The following COL20A1 variants were observed in gnomAD, a reference collection of about 807,000 sequenced individuals.
COL20A1 encodes collagen alpha-1(XX) chain.
A neutral mutation model predicts 152.9 loss-of-function variants in COL20A1; 164 were observed. The observed-to-expected ratio is 1.07, with a 90% confidence interval of 0.94 to 1.22. The LOEUF (loss-of-function observed/expected upper bound fraction) is 1.22, where lower values mean the gene tolerates loss of function less well. Among genes scored for constraint, COL20A1 ranks in the 50% most tolerant of loss-of-function variants. COL20A1 has a pLI of 0.00. For synonymous variants in COL20A1, 864 were observed against 756.0 expected, an observed-to-expected ratio of 1.14 and a Z score of -2.34; for missense variants, 1,873 against 1,744.8, an observed-to-expected ratio of 1.07 and a Z score of -1.31.
At chr20:63,300,231 G>A (rs1427846975) in intron 3 of COL20A1, among the ~76,000 whole-genome samples, 1 of 152,172 alleles carries the variant, frequency 6.6e-6, no homozygotes, top group African/African-American at 2.4e-5. Flanking sequence ...ATAAGATGAG[G>A]TGGGGAAGGA....
Position 63,333,598 on chromosome 20 carries a change from T to G in COL20A1, c.*2882T>G, listed in dbSNP as rs1168061452. ...GAGAGCCACCTGCAAGGTGGGGAGC[T>G]GGGAAGAACGGCTCAGTGATGAGCT... On this transcript the variant is annotated 3_prime_UTR_variant, in exon 36 of 36. Transcript: ENST00000358894. 1.3e-5 allele frequency: 2 copies of G among 151,938 alleles called. No individual in the cohort carries two copies. The highest frequency in any genetic ancestry group is 2.9e-5 in the Non-Finnish European group (2 of 67,946). 9.4% of individuals were successfully genotyped at this position (151,938 alleles called of 1,614,324 possible). A position where few individuals can be genotyped will look rare whatever the true frequency, so the allele number is the denominator to read the frequency against.
intron 16 of COL20A1, 66 bp downstream of exon 16, chr20:63,313,000 C>A: frequency 6.5e-7 from 1 of 1,532,262 alleles, no homozygotes; most frequent in Non-Finnish European, 8.8e-7. Context: ...AAGCCAAAGT[C>A]TAGGGCTCAG....
rs757697987 is a variant in COL20A1, at chr20:63,311,962, C to G, written c.1710C>G (p.His570Gln). 8 of 1,593,788 alleles carry G rather than the reference C, an allele frequency of 5.0e-6. No individual in the cohort carries two copies. The highest frequency in any genetic ancestry group is 1.3e-5 in the African/African-American group (1 of 74,432). The change falls in exon 14 of 36, where the codon CAC becomes CAG. Residue 570 changes from histidine (H) to glutamine (Q), a missense_variant. By Grantham distance (24) the His-to-Gln change is conservative. Transcript: ENST00000358894. This position sits in a 1 kb window ranked among gnomAD's most constrained non-coding sequence, Gnocchi z 4.4. ...ACCTGGGCTTCTCAGACGTGAGCCA[C>G]GACGCGGCACGAGTGTTCTGGGAGG... is the stretch of plus-strand genomic sequence containing the variant. ...PRHLGFSDVS[H>Q]DAARVFWEGA...
At position 63,312,406 on chromosome 20, in the gene COL20A1, C is replaced by T; in HGVS notation, c.1804-14C>T. The T allele has an allele frequency of 6.4e-7, 1 of 1,561,074 alleles. No homozygotes were observed. Among genetic ancestry groups the T allele is most frequent in the South Asian group, 1.2e-5 (1 of 83,426 alleles). Reference sequence around the variant, plus strand: ...CCAGCTGGGCCTGCCATGTCGCCCTCCCACCTGCTGCAGACAGAGGCTCCT... The same window carrying T: ...CCAGCTGGGCCTGCCATGTCGCCCTTCCACCTGCTGCAGACAGAGGCTCCT... On this transcript the variant is annotated splice_polypyrimidine_tract_variant and intron_variant, in intron 14 of 35. Coordinates refer to ENST00000358894, the MANE Select transcript of COL20A1 (RefSeq NM_020882.4).
At chr20:63,297,788 G>C in intron 2 of COL20A1, 122 bp from the exon 3 acceptor site, 1 of 715,278 alleles carries the variant, frequency 1.4e-6, no homozygotes, top group Non-Finnish European at 2.3e-6. Context: ...GTCTCTTCGG[G>C]GTCCCCCGGG....
At chr20:63,316,432 C>T (rs2068084993) in intron 20 of COL20A1, 121 bp from the exon 21 acceptor site, 7 of 659,580 alleles carry the variant, frequency 1.1e-5, no homozygotes, top group Non-Finnish European at 1.7e-5. Flanking sequence ...GCTCCGTCAC[C>T]CCTCCCTCCC....
intron 3 of COL20A1, among the ~76,000 whole-genome samples, chr20:63,298,963 G>A (rs774571184): frequency 5.9e-5 from 9 of 152,180 alleles, no homozygotes; most frequent in Non-Finnish European, 1.3e-4. Flanking sequence ...CTCCCTGGAC[G>A]GCCGCCTCCA....
rs1257813141 is a variant in COL20A1, at chr20:63,328,425, G to C, written c.3708G>C (p.Gly1236=). The C allele has an allele frequency of 1.9e-6, 3 of 1,612,434 alleles. No homozygotes were observed. The highest frequency in any genetic ancestry group is 1.3e-5 in the African/African-American group (1 of 74,938). The change falls in exon 34 of 36, where the codon GGG becomes GGC. Residue 1236 remains glycine, a synonymous_variant. Transcript: ENST00000358894. ...QKLEPGTEPL[G]SPGTRSKALV... Reference sequence around the variant, plus strand: ...TGGAGCCGGGCACTGAGCCCCTGGGGTCCCCTGGCACCCGCAGCAAGGCCC... The same window carrying C: ...TGGAGCCGGGCACTGAGCCCCTGGGCTCCCCTGGCACCCGCAGCAAGGCCC...
rs143274756 is a variant in COL20A1, at chr20:63,307,132, C to T, written c.497-358C>T. Among the ~76,000 whole-genome samples, 1,482 of 152,348 alleles carry T rather than the reference C, an allele frequency of 9.7e-3. 24 individuals carry two copies. Among genetic ancestry groups the T allele is most frequent in the African/African-American group, 0.032 (1,342 of 41,580 alleles). ...TGGCGGCTTTGCCTCCACAGCGCCGCGCTGCGGTGCTCACGGCGGCTCTGC... is the reference window on the plus strand; with the variant it reads ...TGGCGGCTTTGCCTCCACAGCGCCGTGCTGCGGTGCTCACGGCGGCTCTGC... On this transcript the variant is annotated intron_variant, in intron 5 of 35. Coordinates refer to ENST00000358894, the MANE Select transcript of COL20A1 (RefSeq NM_020882.4).
chr20:63,320,322 G>T lies in COL20A1; in HGVS notation c.3107G>T (p.Ser1036Ile). The T allele has an allele frequency of 6.2e-7, 1 of 1,611,122 alleles. No individual in the cohort carries two copies. Among genetic ancestry groups the T allele is most frequent in the Non-Finnish European group, 8.5e-7 (1 of 1,179,858 alleles). The change falls in exon 25 of 36, where the codon AGT becomes ATT. Residue 1036 changes from serine to isoleucine, a missense_variant. Ser to Ile is a moderately radical substitution (Grantham distance 142). Coordinates refer to ENST00000358894, the MANE Select transcript of COL20A1 (RefSeq NM_020882.4). Reference protein sequence around the residue: ...FQLQMLQIVCSDTWADEDRCC... With the variant: ...FQLQMLQIVCIDTWADEDRCC... The stretch of plus-strand genomic sequence containing the variant: ...CTCCAGATGCTGCAGATCGTGTGCA[G>T]TGACACCTGGGCCGATGAGGACCGG...
intron 3 of COL20A1, among the ~76,000 whole-genome samples, chr20:63,298,519 C>T (rs944484198): frequency 6.6e-6 from 1 of 152,098 alleles, no homozygotes; most frequent in African/African-American, 2.4e-5. Context: ...TTGAACTGGG[C>T]TCAGGAGATC....
In COL20A1 at chr20:63,328,475, G is replaced by A. The variant is rs1369125074; in HGVS notation, c.3758G>A (p.Gly1253Asp). The part of the protein sequence containing the change: ...KALVPGEWGR[G>D]GRHLEGRGEP... ...CTGGTTCCTGGAGAATGGGGGCGTG[G>A]TGGCCGCCACCTTGAGGGCAGAGGT... The change falls in exon 34 of 36, where the codon GGT (glycine) becomes GAT (aspartate). Residue 1253 changes from glycine to aspartate, a missense_variant. Coordinates refer to ENST00000358894, the MANE Select transcript of COL20A1 (RefSeq NM_020882.4). 1 of 1,611,974 alleles carries A rather than the reference G, an allele frequency of 6.2e-7. No individual in the cohort carries two copies. The highest frequency in any genetic ancestry group is 8.5e-7 in the Non-Finnish European group (1 of 1,179,450).
chr20:63,299,376 A>G lies in COL20A1; in HGVS notation c.193+1356A>G, dbSNP rs2067838403. On this transcript the variant is annotated intron_variant, in intron 3 of 35. Coordinates refer to ENST00000358894, the MANE Select transcript of COL20A1 (RefSeq NM_020882.4). ...TGTATGATTGCTTCCGTTGCATGAC[A>G]CCCTTGGCAACCAACGCTTGGCAGC... Among the ~76,000 whole-genome samples, 3 of 151,990 alleles carry G rather than the reference A, an allele frequency of 2.0e-5. No individual in the cohort carries two copies. The South Asian group carries it at 6.2e-4, about 32-fold the overall frequency.
rs1185508966 is a variant in COL20A1, at chr20:63,326,676, A to G, written c.3457-76A>G. On this transcript the variant is annotated intron_variant, in intron 30 of 35. Coordinates refer to ENST00000358894, the MANE Select transcript of COL20A1 (RefSeq NM_020882.4). ...TGTCAGGTCAGGGGGCCCCTGGGAC[A>G]TCTGGGAACCAGGGCTGAAGTGGGA... 3.8e-6 allele frequency: 4 copies of G among 1,058,000 alleles called. No homozygotes were observed. In the African/African-American group the frequency reaches 6.8e-5, roughly 18 times the overall value. The allele number at this position is 1,058,000 out of a possible 1,614,324, so 65.5% of individuals were successfully genotyped here.
In COL20A1 at chr20:63,332,010, C is replaced by T. The variant is rs6062437; in HGVS notation, c.*1294C>T. On this transcript the variant is annotated 3_prime_UTR_variant, in exon 36 of 36. Coordinates refer to ENST00000358894, the MANE Select transcript of COL20A1 (RefSeq NM_020882.4). ...GGGTCAGCAGGATGGGAGAGAGCGC[C>T]TGCACCCACAGGAGCCACAGCCCTG... 2 of 152,736 alleles carry T rather than the reference C, an allele frequency of 1.3e-5. No homozygotes were observed. The highest frequency in any genetic ancestry group is 4.8e-5 in the African/African-American group (2 of 41,452). The allele number at this position is 152,736 out of a possible 1,614,324, so 9.5% of individuals were successfully genotyped here.
chr20:63,313,319 C>T lies in COL20A1; in HGVS notation c.2209+70C>T, dbSNP rs181359490. On this transcript the variant is annotated intron_variant, in intron 17 of 35. Coordinates refer to ENST00000358894, the MANE Select transcript of COL20A1 (RefSeq NM_020882.4). The surrounding 1 kb of genome is among the most constrained non-coding windows in gnomAD (Gnocchi z 5.9). ...TGGCCCAGGGGATCCCTGACTCACC[C>T]GCTGCACAGGCCCAGGACCCTAGAC... The T allele has an allele frequency of 4.4e-5, 66 of 1,505,542 alleles. No homozygotes were observed. The highest frequency in any genetic ancestry group is 4.2e-4 in the Admixed American group (23 of 54,442). 93.3% of individuals were successfully genotyped at this position (1,505,542 alleles called of 1,614,324 possible).
chr20:63,325,456 A>C lies in COL20A1; in HGVS notation c.3310A>C (p.Lys1104Gln). Residue 1104 changes from lysine (K) to glutamine (Q), a missense_variant, in exon 28 of 36, where the codon AAA becomes CAA. Physicochemically the swap from Lys to Gln is moderately conservative, Grantham distance 53. Transcript: ENST00000358894. ...CCCCCTCCAGGGTCCACCAGGGGTC[A>C]AAGGAGAGAAGGGAGACCATGGGCT... Reference protein sequence around the residue: ...FPGPRGPPGVKGEKGDHGLPG... With the variant: ...FPGPRGPPGVQGEKGDHGLPG... 6.2e-7 allele frequency: 1 copy of C among 1,612,672 alleles called. No individual in the cohort carries two copies. Among genetic ancestry groups the C allele is most frequent in the Non-Finnish European group, 8.5e-7 (1 of 1,179,370 alleles).
chr20:63,309,643 A>G, intron 9 of COL20A1, 115 bp from the exon 10 acceptor site: 1 of 1,267,616 alleles, frequency 7.9e-7, no homozygotes, highest in South Asian at 1.5e-5. Context: ...ACATCTGTCC[A>G]CAGAAGGGCT....
chr20:63,302,264 A>C (rs2067871044), intron 3 of COL20A1, among the ~76,000 whole-genome samples: 1 of 152,204 alleles, frequency 6.6e-6, no homozygotes, highest in African/African-American at 2.4e-5. Context: ...AAAATGTTTC[A>C]GTACTATCAT....
Sources: allele counts gnomAD v4.1 joint callset (sites outside exome capture counted in the v4.1 genomes callset), GRCh38; gene constraint gnomAD v4.1.1; non-coding constraint Gnocchi (gnomAD v3.1); transcripts MANE v1.5; gene names NCBI Gene and HGNC (gene_info 2026-07-23, HGNC 2026-07-21).